The following DIP2C variants were observed in gnomAD, a reference collection of about 807,000 sequenced individuals.
The protein encoded by DIP2C is DIP2 acetate--CoA ligase C (putative), also known as disco-interacting protein 2 homolog C.
A neutral mutation model predicts 192.4 loss-of-function variants in DIP2C; 33 were observed. That is an observed-to-expected ratio of 0.17 (90% CI 0.13 to 0.23). The LOEUF (loss-of-function observed/expected upper bound fraction) is 0.23, where lower values mean the gene tolerates loss of function less well. Ranked by LOEUF, DIP2C falls within the 10% of genes least tolerant of loss-of-function variation. The pLI is 1.00. For missense variants in DIP2C, 1,537 were observed against 2,110.1 expected (o/e 0.73, Z 5.32); for synonymous variants, 979 against 864.1 (o/e 1.13, Z -2.33).
chr10:619,286 T>C (rs1005937816), intron 1 of DIP2C, among the ~76,000 whole-genome samples: 1 of 152,180 alleles, frequency 6.6e-6, no homozygotes, highest in Non-Finnish European at 1.5e-5. Flanking sequence ...AACACGAACT[T>C]ATTTTCTCAC....
intron 31 of DIP2C, among the ~76,000 whole-genome samples, chr10:314,112 G>A (rs1031838170): frequency 6.6e-6 from 1 of 152,182 alleles, no homozygotes; most frequent in Non-Finnish European, 1.5e-5. Context: ...AAAGGAAAAT[G>A]ACACAAAATT....
chr10:546,204 C>T lies in DIP2C; in HGVS notation c.86-59674G>A, dbSNP rs571427010. Among the ~76,000 whole-genome samples, 16 of 150,376 alleles carry T rather than the reference C, an allele frequency of 1.1e-4. No individual in the cohort carries two copies. In the East Asian group the frequency reaches 3.1e-3, roughly 29 times the overall value. On this transcript the variant is annotated intron_variant, in intron 1 of 36. Transcript: ENST00000280886. Reference sequence around the variant, plus strand: ...GGCTGAGGCAGGAGAATCACTTGAACCCGGGAAGCAGAGGTTGAAGTGAGC... The same window carrying T: ...GGCTGAGGCAGGAGAATCACTTGAATCCGGGAAGCAGAGGTTGAAGTGAGC...
intron 34 of DIP2C, among the ~76,000 whole-genome samples, chr10:284,727 G>C (rs900421830): frequency 1.3e-5 from 2 of 152,112 alleles, no homozygotes; most frequent in Admixed American, 1.3e-4. Context: ...TAACAGAATA[G>C]ATCCTAAATG....
At chr10:649,067 G>T (rs1011906960) in intron 1 of DIP2C, among the ~76,000 whole-genome samples, 2 of 150,328 alleles carry the variant, frequency 1.3e-5, no homozygotes, top group African/African-American at 4.9e-5. Flanking sequence ...TGGATGGTGG[G>T]AGAGAACATA....
At chr10:532,784 T>C (rs1004963241) in intron 1 of DIP2C, among the ~76,000 whole-genome samples, 18 of 149,758 alleles carry the variant, frequency 1.2e-4, no homozygotes, top group Non-Finnish European at 1.5e-4. Flanking sequence ...TGTGAGAGAG[T>C]ATGGGTGTGT....
At chr10:356,651 G>T in intron 23 of DIP2C, 145 bp from the exon 24 acceptor site, 1 of 631,558 alleles carries the variant, frequency 1.6e-6, no homozygotes, top group South Asian at 2.0e-5. Context: ...GGGAGTTGAA[G>T]ACATGCATGC....
chr10:290,715 G>T (rs1334070233), intron 32 of DIP2C, among the ~76,000 whole-genome samples: 1 of 152,242 alleles, frequency 6.6e-6, no homozygotes, highest in Non-Finnish European at 1.5e-5. Context: ...GAGAGGGAAA[G>T]AACTAGGAGG....
intron 3 of DIP2C, among the ~76,000 whole-genome samples, chr10:460,429 T>C (rs570567504): frequency 1.3e-5 from 2 of 152,350 alleles, no homozygotes; most frequent in African/African-American, 4.8e-5. Context: ...ATATGTACTA[T>C]GATGAAGAGC....
chr10:340,319 T>C (rs1958082308), intron 29 of DIP2C, among the ~76,000 whole-genome samples: 1 of 152,138 alleles, frequency 6.6e-6, no homozygotes, highest in African/African-American at 2.4e-5. Context: ...AGTGAAATTA[T>C]TTTTATGTTT....
chr10:558,577 C>G (rs1374919593), intron 1 of DIP2C, among the ~76,000 whole-genome samples: 2 of 152,028 alleles, frequency 1.3e-5, no homozygotes, highest in Non-Finnish European at 2.9e-5. Context: ...CCCTGCCATG[C>G]CAGTGCGGGG....
chr10:501,219 A>G (rs1845200105), intron 1 of DIP2C, among the ~76,000 whole-genome samples: 1 of 152,226 alleles, frequency 6.6e-6, no homozygotes, highest in Non-Finnish European at 1.5e-5. Flanking sequence ...TGATGGTTTC[A>G]CTAGCTATTT....
chr10:409,156 G>A, intron 8 of DIP2C, 139 bp from the exon 9 acceptor site: 1 of 695,826 alleles, frequency 1.4e-6, no homozygotes, highest in Non-Finnish European at 2.4e-6. Context: ...GGGGGCAGCT[G>A]AGCAAAGGGG....
intron 4 of DIP2C, among the ~76,000 whole-genome samples, chr10:435,471 C>T (rs1017360849): frequency 1.3e-5 from 2 of 152,196 alleles, no homozygotes; most frequent in Non-Finnish European, 2.9e-5. Context: ...GACGTTTTAA[C>T]TCTCAGACTT....
intron 1 of DIP2C, among the ~76,000 whole-genome samples, chr10:682,591 C>T (rs1254325883): frequency 1.3e-5 from 2 of 151,976 alleles, no homozygotes; most frequent in African/African-American, 4.8e-5. Context: ...AGAATACAAA[C>T]TCTATGTACG....
Position 309,282 on chromosome 10 carries a change from C to T in DIP2C, c.3986+749G>A, listed in dbSNP as rs113332258. On this transcript the variant is annotated intron_variant, in intron 32 of 36. Transcript: ENST00000280886. ...CTGCTTTCTGGAGTCCTCACACTCT[C>T]ACCAAGAACTCCACTTTTCTTCTCA... Among the ~76,000 whole-genome samples the T allele has an allele frequency of 1.3e-3, 194 of 152,198 alleles. 1 individual carries two copies. In the South Asian group the frequency reaches 0.014, roughly 11 times the overall value.
chr10:453,019 C>T (rs1369242775), intron 3 of DIP2C, among the ~76,000 whole-genome samples: 1 of 152,208 alleles, frequency 6.6e-6, no homozygotes, highest in Non-Finnish European at 1.5e-5. Flanking sequence ...GTTTACAGAG[C>T]TCTGCATAAA....
intron 24 of DIP2C, among the ~76,000 whole-genome samples, chr10:353,398 AT>A (rs911853006): frequency 3.4e-4 from 51 of 152,152 alleles, no homozygotes; most frequent in African/African-American, 1.2e-3. Flanking sequence ...CAACCATTTA[AT>A]TTTTTTCGAG....
chr10:646,261 GC>G (rs1187673272), intron 1 of DIP2C, among the ~76,000 whole-genome samples: 2 of 151,578 alleles, frequency 1.3e-5, no homozygotes, highest in South Asian at 2.1e-4. Context: ...ACTGCCCCGT[GC>G]CCCCCGCACC....
chr10:630,683 G>A (rs931300729), intron 1 of DIP2C: 1 of 152,298 alleles, frequency 6.6e-6, no homozygotes, highest in African/African-American at 2.4e-5. Context: ...CCGTGCTAGT[G>A]CAGTGAATGT....
Sources: allele counts gnomAD v4.1 joint callset (sites outside exome capture counted in the v4.1 genomes callset), GRCh38; gene constraint gnomAD v4.1.1; transcripts MANE v1.5; gene names NCBI Gene and HGNC (gene_info 2026-07-23, HGNC 2026-07-21).